ZNF599: variants seen among roughly 807,000 people sequenced by gnomAD.
ZNF599 encodes zinc finger protein 599.
ZNF599 carries 10 observed loss-of-function variants against 11.7 expected under a neutral mutation model. The ratio of observed to expected loss-of-function variants is 0.86; its 90% confidence interval spans 0.53 to 1.45. ZNF599 has a LOEUF of 1.45. Among genes scored for constraint, ZNF599 ranks in the 40% most tolerant of loss-of-function variants. ZNF599 has a pLI of 0.00. For missense variants in ZNF599, 688 were observed against 713.6 expected (o/e 0.96, Z 0.41); for synonymous variants, 232 against 253.2 (o/e 0.92, Z 0.79).
chr19:34,800,593 T>TG, the ZNF599 span, among the ~76,000 whole-genome samples: 3 of 146,628 alleles, frequency 2.0e-5, no homozygotes, highest in South Asian at 2.2e-4. Context: ...TTTGTTTTTT[T>TG]TTTTTTTTTT....
the ZNF599 span, among the ~76,000 whole-genome samples, chr19:34,790,641 G>A: frequency 2.6e-5 from 4 of 152,094 alleles, no homozygotes; most frequent in Non-Finnish European, 5.9e-5. Flanking sequence ...TTGATCAATG[G>A]TGCAAAATTT....
At chr19:34,775,072 G>A (rs1176133048), upstream of ZNF599, among the ~76,000 whole-genome samples, 1 of 152,166 alleles carries the variant, frequency 6.6e-6, no homozygotes, top group African/African-American at 2.4e-5. Flanking sequence ...ACCATGATTG[G>A]AAGCTTCCTG....
the ZNF599 span, among the ~76,000 whole-genome samples, chr19:34,792,841 T>C: frequency 2.7e-5 from 4 of 145,532 alleles, no homozygotes; most frequent in Middle Eastern, 3.4e-3. Context: ...CCAGCCTGGA[T>C]GACAGAGCAA....
At position 34,773,134 on chromosome 19, in the gene ZNF599, G is replaced by C; in HGVS notation, c.-293C>G. On this transcript the variant is annotated 5_prime_UTR_variant, in exon 1 of 4. Transcript: ENST00000329285. ...CCGTCTCTACTCGGTCTCGAAAAGTGGCCCCTGTCTGGCGTTCTACCCAGT... is the reference window on the plus strand; with the variant it reads ...CCGTCTCTACTCGGTCTCGAAAAGTCGCCCCTGTCTGGCGTTCTACCCAGT... The C allele has an allele frequency of 2.5e-6, 1 of 399,586 alleles. No individual in the cohort carries two copies. Among genetic ancestry groups the C allele is most frequent in the Non-Finnish European group, 4.4e-6 (1 of 225,172 alleles). The allele number at this position is 399,586 out of a possible 1,614,324, so 24.8% of individuals were successfully genotyped here.
chr19:34,786,011 G>T, the ZNF599 span, among the ~76,000 whole-genome samples: 1 of 152,130 alleles, frequency 6.6e-6, no homozygotes, highest in African/African-American at 2.4e-5. Context: ...TGGCTCTGGA[G>T]GATCCTGGCA....
At chr19:34,804,088 G>T in the ZNF599 span, among the ~76,000 whole-genome samples, 1 of 152,072 alleles carries the variant, frequency 6.6e-6, no homozygotes, top group Non-Finnish European at 1.5e-5. Context: ...CTCACCTTCT[G>T]GCTGTTTCAT....
chr19:34,762,302 C>T (rs951547983), intron 3 of ZNF599, among the ~76,000 whole-genome samples: 1 of 152,134 alleles, frequency 6.6e-6, no homozygotes, highest in Non-Finnish European at 1.5e-5. Flanking sequence ...CCATTTTATA[C>T]TCGCTAGGTT....
intron 1 of ZNF599, chr19:34,772,429 G>C: frequency 9.5e-7 from 1 of 1,049,492 alleles, no homozygotes; most frequent in Non-Finnish European, 1.1e-6. Flanking sequence ...AGGACCTAGA[G>C]AGTCCTTCTT....
At chr19:34,763,468 C>A (rs757615721) in intron 3 of ZNF599, 1 of 152,078 alleles carries the variant, frequency 6.6e-6, no homozygotes, top group Non-Finnish European at 1.5e-5. Flanking sequence ...CAAGACCAGC[C>A]TGGCCAACAT....
At chr19:34,769,005 G>C (rs945308142) in intron 2 of ZNF599, among the ~76,000 whole-genome samples, 1 of 152,194 alleles carries the variant, frequency 6.6e-6, no homozygotes, top group African/African-American at 2.4e-5. Flanking sequence ...TTTCAGCTGA[G>C]ACTGTGTTGC....
chr19:34,759,283 G>T lies in ZNF599; in HGVS notation c.1518C>A (p.Pro506=). 2 of 1,614,156 alleles carry T rather than the reference G, an allele frequency of 1.2e-6. No homozygotes were observed. Among genetic ancestry groups the T allele is most frequent in the Non-Finnish European group, 1.7e-6 (2 of 1,180,024 alleles). ...CCTTTCCACATTCTCTACAAACATA[G>T]GGCTTCTCTCCAGTGTGAATCCTCA... ...RHMRIHTGEK[P]YVCRECGKAF... is the part of the protein sequence containing the mutation. The change falls in exon 4 of 4, where the codon CCC becomes CCA. Residue 506 remains proline (P), a synonymous_variant. Coordinates refer to ENST00000329285, the MANE Select transcript of ZNF599 (RefSeq NM_001007248.3).
At chr19:34,761,478 G>C (rs2069113345) in intron 3 of ZNF599, among the ~76,000 whole-genome samples, 1 of 152,156 alleles carries the variant, frequency 6.6e-6, no homozygotes, top group African/African-American at 2.4e-5. Flanking sequence ...AGCTGATATA[G>C]AGACCAGGAT....
At chr19:34,772,785 T>C in intron 1 of ZNF599, 39 bp downstream of exon 1, 1 of 1,535,004 alleles carries the variant, frequency 6.5e-7, no homozygotes, top group Non-Finnish European at 8.7e-7. Flanking sequence ...ATGCGGGCGG[T>C]GACCCGAGCT....
intron 2 of ZNF599, among the ~76,000 whole-genome samples, chr19:34,768,986 A>G (rs2069163908): frequency 6.6e-6 from 1 of 152,246 alleles, no homozygotes; most frequent in Non-Finnish European, 1.5e-5. Context: ...GCTAGGAGCC[A>G]AAGAGACCTT....
chr19:34,771,766 C>T (rs889298768), intron 1 of ZNF599, among the ~76,000 whole-genome samples: 5 of 152,108 alleles, frequency 3.3e-5, no homozygotes, highest in East Asian at 1.9e-4. Context: ...AATCACTTAT[C>T]GACTAAGTGG....
the ZNF599 span, among the ~76,000 whole-genome samples, chr19:34,785,178 A>G: frequency 5.9e-4 from 89 of 152,064 alleles, no homozygotes; most frequent in African/African-American, 2.1e-3. Context: ...TGCTAAGCCA[A>G]AAACCTGGGG....
In ZNF599 at chr19:34,760,087, A is replaced by AT. The variant is rs1356417964; in HGVS notation, c.713dup (p.Tyr238Ter). ...ECNECGKACR[Y>*]MADVIRHMRL... ...TCATATGTCGAATGACATCAGCCATATAACGACAGGCTTTCCCACACTCAT... is the reference window on the plus strand; with the variant it reads ...TCATATGTCGAATGACATCAGCCATATTAACGACAGGCTTTCCCACACTCAT... Residue 238 changes from tyrosine to a stop codon, truncating the protein, a stop_gained and frameshift_variant, in exon 4 of 4, where the codon TAT becomes TAAT. Transcript: ENST00000329285. LOFTEE classifies it low-confidence loss of function (END_TRUNC). 6.2e-7 allele frequency: 1 copy of AT among 1,613,914 alleles called. No homozygotes were observed. Among genetic ancestry groups the AT allele is most frequent in the East Asian group, 2.2e-5 (1 of 44,894 alleles).
the ZNF599 span, among the ~76,000 whole-genome samples, chr19:34,790,038 G>A: frequency 2.6e-4 from 39 of 152,130 alleles, no homozygotes; most frequent in Non-Finnish European, 4.3e-4. Flanking sequence ...TATGTTGTGA[G>A]ATAAGGGTCT....
chr19:34,759,515 C>T lies in ZNF599; in HGVS notation c.1286G>A (p.Gly429Glu). Residue 429 changes from glycine to glutamate, a missense_variant, in exon 4 of 4, where the codon GGG (glycine) becomes GAG (glutamate). Physicochemically the swap from Gly to Glu is moderately conservative, Grantham distance 98. Transcript: ENST00000329285. ...GGAAGAGCTGTCACAAAAGGCCTTC[C>T]CACATTCTTTGCACTCAAAGGGCTT... The part of the protein sequence containing the change: ...GEKPFECKEC[G>E]KAFCDSSSLI... The T allele has an allele frequency of 6.2e-7, 1 of 1,613,950 alleles. No individual in the cohort carries two copies. The highest frequency in any genetic ancestry group is 8.5e-7 in the Non-Finnish European group (1 of 1,179,964).
Sources: allele counts gnomAD v4.1 joint callset (sites outside exome capture counted in the v4.1 genomes callset), GRCh38; gene constraint gnomAD v4.1.1; transcripts MANE v1.5; gene names NCBI Gene and HGNC (gene_info 2026-07-23, HGNC 2026-07-21).